The following NXPH1 variants were observed in gnomAD, a reference collection of about 807,000 sequenced individuals.
NXPH1 encodes the protein neurexophilin 1, also known as neurexophilin-1.
In NXPH1, 5 loss-of-function variants were observed where a neutral mutation model predicts 23.7. The observed-to-expected ratio is 0.21, with a 90% CI of 0.11 to 0.44. The LOEUF (loss-of-function observed/expected upper bound fraction) is 0.44. Among genes scored for constraint, NXPH1 ranks in the 20% least tolerant of loss-of-function variants. The pLI, the probability that NXPH1 is intolerant of heterozygous loss-of-function variation, is 0.99. For missense variants in NXPH1, 324 were observed against 321.6 expected, an observed-to-expected ratio of 1.01 and a Z score of -0.06; for synonymous variants, 144 against 122.2, an observed-to-expected ratio of 1.18 and a Z score of -1.18.
At chr7:8,517,106 C>G (rs1293210048) in intron 2 of NXPH1, among the ~76,000 whole-genome samples, 1 of 152,142 alleles carries the variant, frequency 6.6e-6, no homozygotes, top group Non-Finnish European at 1.5e-5. Context: ...AAGAACACAA[C>G]AGTAAAGAAG....
chr7:8,508,955 C>T (rs1817571609), intron 2 of NXPH1, among the ~76,000 whole-genome samples: 1 of 152,046 alleles, frequency 6.6e-6, no homozygotes, highest in South Asian at 2.1e-4. Flanking sequence ...AGCTCAAACA[C>T]AATTTCTTGT....
intron 2 of NXPH1, among the ~76,000 whole-genome samples, chr7:8,613,652 A>G (rs556559206): frequency 2.0e-5 from 3 of 152,132 alleles, no homozygotes; most frequent in African/African-American, 7.2e-5. Context: ...TACAGTTAGT[A>G]GAGGCTGTTG....
chr7:8,672,904 G>T (rs954893555), intron 2 of NXPH1, among the ~76,000 whole-genome samples: 1 of 152,156 alleles, frequency 6.6e-6, no homozygotes, highest in Non-Finnish European at 1.5e-5. Flanking sequence ...GAAGAGGCAA[G>T]GTGGTAGAGT....
intron 2 of NXPH1, among the ~76,000 whole-genome samples, chr7:8,633,983 T>A (rs897277605): frequency 1.3e-5 from 2 of 152,224 alleles, no homozygotes; most frequent in African/African-American, 4.8e-5. Context: ...TAGAGATTTC[T>A]TCCTATTATG....
intron 2 of NXPH1, among the ~76,000 whole-genome samples, chr7:8,743,287 C>G (rs1001462386): frequency 2.6e-5 from 4 of 151,928 alleles, no homozygotes; most frequent in Non-Finnish European, 4.4e-5. Flanking sequence ...AATAGATCAA[C>G]AGTAAAATAT....
At chr7:8,525,108 C>G (rs534358341) in intron 2 of NXPH1, among the ~76,000 whole-genome samples, 2 of 152,270 alleles carry the variant, frequency 1.3e-5, no homozygotes, top group East Asian at 3.9e-4. Flanking sequence ...GCCCAAAATT[C>G]TGATAGCGAT....
intron 2 of NXPH1, among the ~76,000 whole-genome samples, chr7:8,508,163 C>G (rs970325814): frequency 2.6e-5 from 4 of 152,058 alleles, no homozygotes; most frequent in Admixed American, 6.6e-5. Flanking sequence ...TAGCTTTTCT[C>G]TCTATTATAA....
At chr7:8,615,675 T>C (rs1184074036) in intron 2 of NXPH1, among the ~76,000 whole-genome samples, 4 of 152,070 alleles carry the variant, frequency 2.6e-5, no homozygotes, top group African/African-American at 7.2e-5. Context: ...CTTGCATTTA[T>C]TGAGAACCAA....
intron 2 of NXPH1, among the ~76,000 whole-genome samples, chr7:8,576,003 A>G (rs1445898219): frequency 6.6e-6 from 1 of 152,164 alleles, no homozygotes; most frequent in East Asian, 1.9e-4. Context: ...TCATCTGTAA[A>G]AACTTCCCAT....
chr7:8,529,870 C>T (rs1817923547), intron 2 of NXPH1, among the ~76,000 whole-genome samples: 1 of 152,166 alleles, frequency 6.6e-6, no homozygotes, highest in Admixed American at 6.5e-5. Context: ...TGGCCTCTCT[C>T]TTCTACCAGC....
At chr7:8,715,217 TC>T (rs1175722610) in intron 2 of NXPH1, among the ~76,000 whole-genome samples, 11 of 152,110 alleles carry the variant, frequency 7.2e-5, no homozygotes, top group African/African-American at 2.7e-4. Flanking sequence ...AGCACTGTGT[TC>T]CAATGCAAAG....
intron 2 of NXPH1, among the ~76,000 whole-genome samples, chr7:8,744,578 A>G (rs565360580): frequency 1.4e-4 from 21 of 152,322 alleles, no homozygotes; most frequent in African/African-American, 5.1e-4. Context: ...TACTCATACT[A>G]CAAAATCAAC....
intron 2 of NXPH1, among the ~76,000 whole-genome samples, chr7:8,444,987 C>T (rs1416843986): frequency 6.6e-6 from 1 of 152,182 alleles, no homozygotes; most frequent in South Asian, 2.1e-4. Flanking sequence ...AGACAGCTAG[C>T]CAACACAATA....
At chr7:8,474,166 T>C (rs1255917790) in intron 2 of NXPH1, among the ~76,000 whole-genome samples, 2 of 152,180 alleles carry the variant, frequency 1.3e-5, no homozygotes, top group Non-Finnish European at 2.9e-5. Flanking sequence ...TTTTCCTTAT[T>C]GTAATTAGGA....
chr7:8,553,864 A>G (rs1167354767), intron 2 of NXPH1, among the ~76,000 whole-genome samples: 1 of 151,694 alleles, frequency 6.6e-6, no homozygotes, highest in Non-Finnish European at 1.5e-5. Context: ...ACTAATTCCA[A>G]ATCATCACAT....
chr7:8,566,053 G>C (rs1294951553), intron 2 of NXPH1, among the ~76,000 whole-genome samples: 3 of 151,712 alleles, frequency 2.0e-5, no homozygotes, highest in African/African-American at 7.3e-5. Flanking sequence ...GCCAGATGAG[G>C]ACTTTACTGT....
intron 2 of NXPH1, among the ~76,000 whole-genome samples, chr7:8,450,161 G>A (rs1361151834): frequency 6.6e-6 from 1 of 152,094 alleles, no homozygotes; most frequent in East Asian, 1.9e-4. Context: ...TGAATTATTT[G>A]CCATGTCTTG....
At chr7:8,663,038 T>G (rs1006833218) in intron 2 of NXPH1, among the ~76,000 whole-genome samples, 1 of 152,030 alleles carries the variant, frequency 6.6e-6, no homozygotes, top group African/African-American at 2.4e-5. Flanking sequence ...GGATAGAATA[T>G]TTTGGCGTGT....
At position 8,613,376 on chromosome 7, in the gene NXPH1, A is replaced by T. The variant is rs564369435; in HGVS notation, c.55-137632A>T. Among the ~76,000 whole-genome samples the T allele has an allele frequency of 1.1e-4, 16 of 152,148 alleles. 1 individual carries two copies. The South Asian group carries it at 3.3e-3, about 32-fold the overall frequency. On this transcript the variant is annotated intron_variant, in intron 2 of 2. Coordinates refer to ENST00000405863, the MANE Select transcript of NXPH1 (RefSeq NM_152745.3). The stretch of plus-strand genomic sequence containing the variant: ...CTCTATGCTCACTCAATTTGCAAAC[A>T]TCTGGAGGAAAATAATGTGATAATT...
Sources: allele counts gnomAD v4.1 joint callset (sites outside exome capture counted in the v4.1 genomes callset), GRCh38; gene constraint gnomAD v4.1.1; transcripts MANE v1.5; gene names NCBI Gene and HGNC (gene_info 2026-07-23, HGNC 2026-07-21).